MACROD1: variants seen among roughly 807,000 people sequenced by gnomAD.
The protein encoded by MACROD1 is mono-ADP ribosylhydrolase 1.
In MACROD1, 31 loss-of-function variants were observed where a neutral mutation model predicts 41.4. The observed-to-expected ratio is 0.75, with a 90% CI of 0.56 to 1.01. The LOEUF (loss-of-function observed/expected upper bound fraction) is 1.01, where lower values mean the gene tolerates loss of function less well. MACROD1 is among the 50% of genes least tolerant of loss of function. The pLI is 0.00. For synonymous variants in MACROD1, 252 were observed against 203.4 expected (o/e 1.24, Z -2.03); for missense variants, 473 against 460.0 (o/e 1.03, Z -0.26).
chr11:64,000,664 C>T (rs976216638), intron 4 of MACROD1, among the ~76,000 whole-genome samples: 1 of 151,748 alleles, frequency 6.6e-6, no homozygotes, highest in Non-Finnish European at 1.5e-5. Flanking sequence ...GAGGCGGGGG[C>T]CGCCGGGACA....
intron 3 of MACROD1, among the ~76,000 whole-genome samples, chr11:64,080,761 C>G (rs1333621402): frequency 6.6e-6 from 1 of 152,152 alleles, no homozygotes; most frequent in Admixed American, 6.5e-5. Flanking sequence ...CCAGGGGTGG[C>G]TTTTAGAGCC....
At chr11:64,087,983 G>A (rs972907861) in intron 3 of MACROD1, among the ~76,000 whole-genome samples, 6 of 152,216 alleles carry the variant, frequency 3.9e-5, no homozygotes, top group African/African-American at 1.4e-4. Context: ...CCAGAGCTGG[G>A]AGGGCCTCGA....
At position 64,067,375 on chromosome 11, in the gene MACROD1, C is replaced by T. The variant is rs937868438; in HGVS notation, c.518-52094G>A. Reference sequence around the variant, plus strand: ...TATCGGGCAAAATAGCAGCTGCTGACGTGAAAATGAAATATAGATTCAATA... The same window carrying T: ...TATCGGGCAAAATAGCAGCTGCTGATGTGAAAATGAAATATAGATTCAATA... On this transcript the variant is annotated intron_variant, in intron 3 of 10. Coordinates refer to ENST00000255681, the MANE Select transcript of MACROD1 (RefSeq NM_014067.4). This position sits in a 1 kb window ranked among gnomAD's most constrained non-coding sequence, Gnocchi z 4.6. 1.3e-5 allele frequency among the ~76,000 whole-genome samples: 2 copies of T among 152,108 alleles called. No individual in the cohort carries two copies. The highest frequency in any genetic ancestry group is 2.9e-5 in the Non-Finnish European group (2 of 68,008).
chr11:64,047,892 C>T (rs1346657142), intron 3 of MACROD1, among the ~76,000 whole-genome samples: 8 of 136,990 alleles, frequency 5.8e-5, no homozygotes, highest in African/African-American at 1.6e-4. Context: ...AGTGAAACTC[C>T]GTCTCAAAAA....
At chr11:64,105,219 T>G (rs1944739001) in intron 3 of MACROD1, among the ~76,000 whole-genome samples, 1 of 152,222 alleles carries the variant, frequency 6.6e-6, no homozygotes, top group Non-Finnish European at 1.5e-5. Context: ...GGAGCTGGGC[T>G]GGCTGCTTCT....
At chr11:64,150,972 A>T (rs1945566452) in intron 3 of MACROD1, among the ~76,000 whole-genome samples, 1 of 152,162 alleles carries the variant, frequency 6.6e-6, no homozygotes, top group Admixed American at 6.5e-5. Context: ...CTGGCAGGGC[A>T]GCCCAGTTTC....
At chr11:64,043,898 G>C (rs1318935147) in intron 3 of MACROD1, among the ~76,000 whole-genome samples, 2 of 150,282 alleles carry the variant, frequency 1.3e-5, no homozygotes, top group African/African-American at 4.9e-5. Flanking sequence ...AGCAACCTCT[G>C]TCTGCAACAG....
At chr11:64,093,308 TG>T (rs1229736195) in intron 3 of MACROD1, among the ~76,000 whole-genome samples, 1 of 152,224 alleles carries the variant, frequency 6.6e-6, no homozygotes, top group Non-Finnish European at 1.5e-5. Context: ...AGTCAGCTGC[TG>T]GTGTTGTCAC....
chr11:64,081,243 A>G (rs1944297475), intron 3 of MACROD1, among the ~76,000 whole-genome samples: 1 of 152,190 alleles, frequency 6.6e-6, no homozygotes. Context: ...GCTGGTCTTG[A>G]ACTCCTGACC....
chr11:64,008,625 C>T (rs1375440453), intron 4 of MACROD1, among the ~76,000 whole-genome samples: 1 of 152,260 alleles, frequency 6.6e-6, no homozygotes, highest in South Asian at 2.1e-4. Flanking sequence ...AGCCCAGCCA[C>T]CCTAGCTTCT....
Position 63,999,364 on chromosome 11 carries a change from C to A in MACROD1, c.858G>T (p.Thr286=). ...CEAAAEIVLA[T]LREWLEQHKD... ...TGTGCTGCTCCAGCCACTCTCGCAGCGTGGCCAGCACGATCTCGGCGGCCG... is the reference window on the plus strand; with the variant it reads ...TGTGCTGCTCCAGCCACTCTCGCAGAGTGGCCAGCACGATCTCGGCGGCCG... The change falls in exon 8 of 11, where the codon ACG becomes ACT. Residue 286 remains threonine (T), a synonymous_variant. Coordinates refer to ENST00000255681, the MANE Select transcript of MACROD1 (RefSeq NM_014067.4). 6.3e-7 allele frequency: 1 copy of A among 1,592,294 alleles called. No individual in the cohort carries two copies. Among genetic ancestry groups the A allele is most frequent in the East Asian group, 2.2e-5 (1 of 44,464 alleles).
At position 64,061,873 on chromosome 11, in the gene MACROD1, C is replaced by CT. The variant is rs57666180; in HGVS notation, c.518-46593dup. ...CCACAGGCGTGTGCCACCACGCTGG[C>CT]TTTTTTTTTTTTTTTTTTTTTTGTA... On this transcript the variant is annotated intron_variant, in intron 3 of 10. Transcript: ENST00000255681. Among the ~76,000 whole-genome samples the CT allele has an allele frequency of 7.9e-3, 784 of 99,104 alleles. 10 individuals are homozygous for CT. The highest frequency in any genetic ancestry group is 0.012 in the Middle Eastern group (2 of 162). The allele number at this position is 99,104 out of a possible 152,430, so 65.0% of individuals were successfully genotyped here.
intron 3 of MACROD1, chr11:64,118,055 A>G (rs755106183): frequency 6.2e-7 from 1 of 1,613,584 alleles, no homozygotes; most frequent in Non-Finnish European, 8.5e-7. Context: ...GCAGCAGGAA[A>G]AAGGATGACT....
intron 3 of MACROD1, among the ~76,000 whole-genome samples, chr11:64,028,314 G>T (rs1395447113): frequency 6.6e-6 from 1 of 152,210 alleles, no homozygotes; most frequent in African/African-American, 2.4e-5. Flanking sequence ...GTCCTGTGGG[G>T]ACACGACAGG....
intron 3 of MACROD1, among the ~76,000 whole-genome samples, chr11:64,124,908 A>G (rs2845888): frequency 0.96 from 145,859 of 152,240 alleles, 70,187 homozygotes; most frequent in Middle Eastern, 1. Flanking sequence ...TTGAACTCCC[A>G]GCCTCAGGTG....
chr11:64,028,611 A>C (rs1469793906), intron 3 of MACROD1, among the ~76,000 whole-genome samples: 1 of 152,166 alleles, frequency 6.6e-6, no homozygotes, highest in Non-Finnish European at 1.5e-5. Flanking sequence ...CCTCCTCGGC[A>C]GCGGCAGCGT....
rs140883634 is a variant in MACROD1 at position 64,131,301 on chromosome 11, C to T, written c.517+19938G>A. Among the ~76,000 whole-genome samples the T allele has an allele frequency of 1.9e-3, 287 of 152,312 alleles. 3 individuals carry two copies. The highest frequency in any genetic ancestry group is 6.6e-3 in the African/African-American group (273 of 41,576). ...GGCTTTAAGACCCTCACCCCACCCA[C>T]GTGTGGGGGCTCCATGATCCCTCAA... On this transcript the variant is annotated intron_variant, in intron 3 of 10. Transcript: ENST00000255681.
At chr11:64,032,229 A>G (rs1943304517) in intron 3 of MACROD1, among the ~76,000 whole-genome samples, 1 of 152,218 alleles carries the variant, frequency 6.6e-6, no homozygotes, top group Non-Finnish European at 1.5e-5. Flanking sequence ...AGTTGACCAC[A>G]GTCTAATAAT....
chr11:64,074,372 C>G (rs1327822206), intron 3 of MACROD1, among the ~76,000 whole-genome samples: 3 of 152,198 alleles, frequency 2.0e-5, no homozygotes, highest in Non-Finnish European at 4.4e-5. Flanking sequence ...CCTCTCACCT[C>G]TGCAGTTTCT....
Sources: gnomAD v4.1 joint callset for allele counts (sites outside exome capture counted in the v4.1 genomes callset) on GRCh38, gnomAD v4.1.1 for gene constraint, Gnocchi (gnomAD v3.1) non-coding constraint, MANE v1.5 for transcripts, NCBI Gene and HGNC (gene_info 2026-07-23, HGNC 2026-07-21) for gene names.